Variants in PTGER3 observed in about 807,000 individuals in gnomAD.
PTGER3 encodes the protein prostaglandin E2 receptor EP3 subtype.
PTGER3 carries 22 observed loss-of-function variants against 34.7 expected under a neutral mutation model. That is an observed-to-expected ratio of 0.63 (90% CI 0.45 to 0.91). The LOEUF is 0.91. Ranked by LOEUF, PTGER3 falls within the 40% of genes least tolerant of loss-of-function variation. PTGER3 has a pLI of 0.00. For missense variants in PTGER3, 468 were observed against 519.4 expected (o/e 0.90, Z 0.96); for synonymous variants, 241 against 230.1 (o/e 1.05, Z -0.43).
intron 4 of PTGER3, among the ~76,000 whole-genome samples, chr1:70,924,845 G>A (rs191047503): frequency 9.1e-4 from 138 of 151,862 alleles, no homozygotes; most frequent in South Asian, 2.5e-3. Flanking sequence ...TATTTCTTGC[G>A]TGAGATCCAA....
chr1:70,902,131 C>T (rs1048002477), intron 4 of PTGER3, among the ~76,000 whole-genome samples: 19 of 152,076 alleles, frequency 1.2e-4, no homozygotes, highest in Non-Finnish European at 2.5e-4. Context: ...ACCTATAAGT[C>T]AATTTTTAAA....
chr1:70,907,166 C>T (rs537537505), intron 4 of PTGER3, among the ~76,000 whole-genome samples: 19 of 152,320 alleles, frequency 1.2e-4, no homozygotes, highest in African/African-American at 4.6e-4. Context: ...ACAGCTTTTG[C>T]TGTTGTTTCT....
At chr1:70,971,799 T>A in intron 3 of PTGER3, 66 bp from the exon 4 acceptor site, 3 of 1,175,022 alleles carry the variant, frequency 2.6e-6, no homozygotes, top group Non-Finnish European at 3.6e-6. Context: ...AAATTTTGTG[T>A]ATGGTGTGAG....
At chr1:71,006,214 T>C in intron 2 of PTGER3, 1 of 985,416 alleles carries the variant, frequency 1.0e-6, no homozygotes, top group Non-Finnish European at 1.2e-6. Context: ...GATCTGGTCC[T>C]AGGCCTAGAA....
chr1:70,864,411 T>A (rs1280974619), intron 4 of PTGER3, among the ~76,000 whole-genome samples: 2 of 152,202 alleles, frequency 1.3e-5, no homozygotes, highest in Non-Finnish European at 2.9e-5. Context: ...TAATAACTTT[T>A]TGCTGAATAA....
intron 4 of PTGER3, among the ~76,000 whole-genome samples, chr1:70,937,288 A>G (rs1649314799): frequency 6.6e-6 from 1 of 152,220 alleles, no homozygotes; most frequent in South Asian, 2.1e-4. Flanking sequence ...GTTGCCAAAC[A>G]TGTTTATAAT....
At chr1:70,988,778 C>G (rs1201391204) in intron 2 of PTGER3, among the ~76,000 whole-genome samples, 2 of 151,990 alleles carry the variant, frequency 1.3e-5, no homozygotes, top group African/African-American at 4.8e-5. Flanking sequence ...CTGACCAAAA[C>G]CTAACATAGT....
rs971962639 is a variant in PTGER3, at chr1:71,014,783, T to C, written c.898-2299A>G. On this transcript the variant is annotated intron_variant, in intron 1 of 3. Coordinates refer to ENST00000306666, the MANE Select transcript of PTGER3 (RefSeq NM_198719.2). ...AAATAAATGTCTGCTGTTTAAGCCA[T>C]CAAGTTTACACCTTTGTTATGGCAG... Among the ~76,000 whole-genome samples the C allele has an allele frequency of 4.6e-5, 7 of 152,204 alleles. No individual in the cohort carries two copies. The East Asian group carries it at 1.3e-3, about 29-fold the overall frequency.
intron 1 of PTGER3, among the ~76,000 whole-genome samples, chr1:71,043,678 G>A (rs1489837812): frequency 1.3e-5 from 2 of 152,096 alleles, no homozygotes; most frequent in African/African-American, 4.8e-5. Context: ...CTAATATGCT[G>A]AAAATTCAAT....
intron 4 of PTGER3, among the ~76,000 whole-genome samples, chr1:70,915,113 C>A (rs1647145249): frequency 6.6e-6 from 1 of 151,820 alleles, no homozygotes; most frequent in African/African-American, 2.4e-5. Flanking sequence ...GCATGAGGAG[C>A]ATTTACATAA....
intron 4 of PTGER3, among the ~76,000 whole-genome samples, chr1:70,932,297 C>G (rs943894446): frequency 1.3e-5 from 2 of 152,082 alleles, no homozygotes; most frequent in African/African-American, 2.4e-5. Flanking sequence ...CAAACTTTCC[C>G]ACATTTTCCT....
chr1:70,858,201 C>CT (rs35355255), intron 4 of PTGER3, among the ~76,000 whole-genome samples: 70,804 of 134,056 alleles, frequency 0.53, 19,451 homozygotes, highest in East Asian at 0.73. Context: ...AACACAGATT[C>CT]TTTTTTTTTT....
Position 71,025,160 on chromosome 1 carries a change from C to CCTTT in PTGER3, c.898-12677_898-12676insAAAG, listed in dbSNP as rs1260740611. ...TCCTTCCTTCCTTCCTTCCTTCCTT[C>CCTTT]CTTCTTTCCTTCCTTTTTTTCCTTC... On this transcript the variant is annotated intron_variant, in intron 1 of 3. Transcript: ENST00000306666. Among the ~76,000 whole-genome samples the CCTTT allele has an allele frequency of 3.4e-5, 5 of 148,652 alleles. No homozygotes were observed. In the Admixed American group the frequency reaches 3.4e-4, roughly 10 times the overall value.
At chr1:70,938,649 G>T (rs1042539650) in intron 4 of PTGER3, among the ~76,000 whole-genome samples, 1 of 152,038 alleles carries the variant, frequency 6.6e-6, no homozygotes, top group Non-Finnish European at 1.5e-5. Context: ...GGAGGTGAAA[G>T]GCACTTCTTA....
chr1:71,005,752 C>T, intron 2 of PTGER3: 1 of 588,650 alleles, frequency 1.7e-6, no homozygotes, highest in African/African-American at 2.0e-5. Flanking sequence ...ACATTTGGCC[C>T]CATGCCCTCT....
intron 1 of PTGER3, among the ~76,000 whole-genome samples, chr1:71,039,707 C>T (rs1660140445): frequency 6.6e-6 from 1 of 150,400 alleles, no homozygotes; most frequent in African/African-American, 2.5e-5. Context: ...AGTTGGTTTA[C>T]CATTTTTCTT....
At chr1:70,989,607 A>G (rs1219946340) in intron 2 of PTGER3, among the ~76,000 whole-genome samples, 1 of 152,230 alleles carries the variant, frequency 6.6e-6, no homozygotes, top group Non-Finnish European at 1.5e-5. Context: ...TTTTGAAACT[A>G]GCTGAGAAGC....
chr1:70,999,924 G>C lies in PTGER3; in HGVS notation c.1077+12381C>G, dbSNP rs530613252. Among the ~76,000 whole-genome samples, 197 of 152,274 alleles carry C rather than the reference G, an allele frequency of 1.3e-3. 1 individual carries two copies. Among genetic ancestry groups the C allele is most frequent in the African/African-American group, 4.3e-3 (177 of 41,534 alleles). ...AAGTGGTCCTGGATCAAACAAGGAA[G>C]GATCTAAATGTTTGCAGTCATGTGC... On this transcript the variant is annotated intron_variant, in intron 2 of 3. Transcript: ENST00000306666.
intron 4 of PTGER3, among the ~76,000 whole-genome samples, chr1:70,917,912 A>G (rs1338495904): frequency 6.6e-6 from 1 of 152,036 alleles, no homozygotes; most frequent in Non-Finnish European, 1.5e-5. Flanking sequence ...TTCTTTTGCT[A>G]TTGAGTTATT....
Sources: gnomAD v4.1 joint callset for allele counts (sites outside exome capture counted in the v4.1 genomes callset) on GRCh38, gnomAD v4.1.1 for gene constraint, MANE v1.5 for transcripts, NCBI Gene and HGNC (gene_info 2026-07-23, HGNC 2026-07-21) for gene names.